PLBD2: variants seen among roughly 807,000 people sequenced by gnomAD.
The protein encoded by PLBD2 is putative aminopeptidase PLBD2.
Under a neutral mutation model 68.3 loss-of-function variants are expected in PLBD2, and 51 were observed. The observed-to-expected ratio is 0.75, with a 90% CI of 0.60 to 0.94. PLBD2 has a LOEUF of 0.94. Among genes scored for constraint, PLBD2 ranks in the 40% least tolerant of loss-of-function variants. The probability of loss-of-function intolerance (pLI) is 0.00; values close to 1 mark genes in which losing one functional copy is unlikely to be tolerated. For synonymous variants in PLBD2, 314 were observed against 339.3 expected (o/e 0.93, Z 0.82); for missense variants, 729 against 792.2 (o/e 0.92, Z 0.96).
Position 113,358,718 on chromosome 12 carries a change from G to A in PLBD2, c.118G>A (p.Gly40Arg). The A allele has an allele frequency of 1.4e-6, 2 of 1,395,082 alleles. No homozygotes were observed. Among genetic ancestry groups the A allele is most frequent in the Non-Finnish European group, 9.2e-7 (1 of 1,081,540 alleles). The allele number at this position is 1,395,082 out of a possible 1,614,324, so 86.4% of individuals were successfully genotyped here. The part of the protein sequence containing the change: ...LVGPFLSGLA[G>R]AIPAPGGRWA... ...CGGGCCGTTCCTGAGCGGCCTGGCG[G>A]GGGCGATCCCAGCGCCGGGGGGCCG... Residue 40 changes from glycine to arginine, a missense_variant, in exon 1 of 12, where the codon GGG (glycine) becomes AGG (arginine). Transcript: ENST00000280800.
Position 113,384,826 on chromosome 12 carries a change from A to C in PLBD2, c.1119-25A>C. The C allele has an allele frequency of 6.2e-7, 1 of 1,602,510 alleles. No individual in the cohort carries two copies. Among genetic ancestry groups the C allele is most frequent in the Non-Finnish European group, 8.5e-7 (1 of 1,169,864 alleles). ...GGGGAGGTGGCTCCAGGCTCTGTTCAGTCCTCCCTTCCCCTGCCCGGCAGG... is the reference window on the plus strand; with the variant it reads ...GGGGAGGTGGCTCCAGGCTCTGTTCCGTCCTCCCTTCCCCTGCCCGGCAGG... On this transcript the variant is annotated intron_variant, in intron 7 of 11. Transcript: ENST00000280800. The surrounding 1 kb of genome is among the most constrained non-coding windows in gnomAD (Gnocchi z 4.2).
intron 5 of PLBD2, among the ~76,000 whole-genome samples, chr12:113,376,526 T>C (rs1033289498): frequency 6.6e-6 from 1 of 152,180 alleles, no homozygotes; most frequent in Admixed American, 6.5e-5. Context: ...GATGGGAGAA[T>C]AGGCTCCACC....
At chr12:113,374,059 C>T (rs1296052995) in intron 3 of PLBD2, among the ~76,000 whole-genome samples, 2 of 152,032 alleles carry the variant, frequency 1.3e-5, no homozygotes, top group Admixed American at 6.6e-5. Flanking sequence ...TACTTTATGG[C>T]TATAGGATGT....
chr12:113,358,981 C>T (rs1957262283), intron 1 of PLBD2, 91 bp downstream of exon 1: 2 of 1,329,922 alleles, frequency 1.5e-6, no homozygotes, highest in Admixed American at 3.6e-5. Flanking sequence ...GGCCTCTTGC[C>T]GGGTGGGAAC....
At chr12:113,379,307 CAAAAAAAAAAA>C (rs759130410) in intron 5 of PLBD2, among the ~76,000 whole-genome samples, 1 of 46,480 alleles carries the variant, frequency 2.2e-5, no homozygotes, top group African/African-American at 7.3e-5. Flanking sequence ...GACTCTGTCT[CAAAAAAAAAAA>C]AAAAAAAAAA....
chr12:113,387,141 G>T, intron 10 of PLBD2, 52 bp downstream of exon 10: 1 of 1,511,904 alleles, frequency 6.6e-7, no homozygotes. Flanking sequence ...CAGGAACACA[G>T]AACTTCCTGT....
At chr12:113,375,319 T>A (rs1248013358) in intron 5 of PLBD2, among the ~76,000 whole-genome samples, 1 of 151,066 alleles carries the variant, frequency 6.6e-6, no homozygotes, top group Non-Finnish European at 1.5e-5. Context: ...CTAATTTGTT[T>A]ATTTTTTTAT....
At chr12:113,366,923 G>A (rs1375719546) in intron 1 of PLBD2, among the ~76,000 whole-genome samples, 2 of 151,962 alleles carry the variant, frequency 1.3e-5, no homozygotes, top group Non-Finnish European at 1.5e-5. Flanking sequence ...CAGTTCAAGC[G>A]ATTCTCCTGC....
Position 113,372,841 on chromosome 12 carries a change from C to A in PLBD2, c.543+34C>A. The A allele has an allele frequency of 6.3e-7, 1 of 1,599,946 alleles. No individual in the cohort carries two copies. The highest frequency in any genetic ancestry group is 8.5e-7 in the Non-Finnish European group (1 of 1,173,678). Reference sequence around the variant, plus strand: ...TGCTGCCACGCTTGGTGGGAGGGGGCTTCCAGCTGGCCAGCCATCCTGTCT... The same window carrying A: ...TGCTGCCACGCTTGGTGGGAGGGGGATTCCAGCTGGCCAGCCATCCTGTCT... On this transcript the variant is annotated intron_variant, in intron 3 of 11. Coordinates refer to ENST00000280800, the MANE Select transcript of PLBD2 (RefSeq NM_173542.4). The surrounding 1 kb of genome is among the most constrained non-coding windows in gnomAD (Gnocchi z 4.2).
At chr12:113,383,876 G>A (rs1957519733) in intron 6 of PLBD2, among the ~76,000 whole-genome samples, 1 of 151,374 alleles carries the variant, frequency 6.6e-6, no homozygotes, top group Non-Finnish European at 1.5e-5. Context: ...GCACGTGCCT[G>A]TAATCCTAGT....
chr12:113,380,210 C>T (rs970369991), intron 5 of PLBD2, among the ~76,000 whole-genome samples: 2 of 152,154 alleles, frequency 1.3e-5, no homozygotes, highest in Admixed American at 6.5e-5. Flanking sequence ...GATCTCGGCT[C>T]GCTGCAAGCT....
intron 6 of PLBD2, among the ~76,000 whole-genome samples, chr12:113,382,867 GTTTTTTTTTT>G (rs67376686): frequency 7.3e-5 from 6 of 81,802 alleles, no homozygotes; most frequent in African/African-American, 2.8e-4. Context: ...GTGTGTGTGT[GTTTTTTTTTT>G]TTTTTTTTTT....
intron 2 of PLBD2, among the ~76,000 whole-genome samples, chr12:113,370,953 G>A (rs1454918261): frequency 2.0e-5 from 3 of 152,222 alleles, no homozygotes; most frequent in Non-Finnish European, 4.4e-5. Context: ...GATGTTGGGA[G>A]GCTGAGGAGG....
chr12:113,380,486 C>T (rs1272196458), intron 5 of PLBD2, among the ~76,000 whole-genome samples: 6 of 152,266 alleles, frequency 3.9e-5, no homozygotes, highest in Middle Eastern at 3.4e-3. Context: ...GGTCCCCAGT[C>T]GATTGAATCC....
At position 113,358,625 on chromosome 12, in the gene PLBD2, C is replaced by T. The variant is rs202030136; in HGVS notation, c.25C>T (p.Pro9Ser). The stretch of plus-strand genomic sequence containing the variant: ...CATGGTGGGCCAGATGTACTGCTAC[C>T]CCGGCAGCCACCTGGCCCGGGCGCT... MVGQMYCY[P>S]GSHLARALTR... Residue 9 changes from proline (P) to serine (S), a missense_variant, in exon 1 of 12, where the codon CCC becomes TCC. Coordinates refer to ENST00000280800, the MANE Select transcript of PLBD2 (RefSeq NM_173542.4). 3.4e-6 allele frequency: 5 copies of T among 1,468,342 alleles called. No individual in the cohort carries two copies. The highest frequency in any genetic ancestry group is 1.5e-5 in the African/African-American group (1 of 67,750). The allele number at this position is 1,468,342 out of a possible 1,614,324, so 91.0% of individuals were successfully genotyped here.
intron 1 of PLBD2, among the ~76,000 whole-genome samples, chr12:113,365,141 C>T (rs958190809): frequency 6.6e-6 from 1 of 152,200 alleles, no homozygotes; most frequent in Non-Finnish European, 1.5e-5. Context: ...AACACTCCCC[C>T]ACAAACCTGA....
In PLBD2 at chr12:113,388,515, G is replaced by GT; in HGVS notation, c.1660dup (p.Trp554LeufsTer75). On this transcript the variant is annotated frameshift_variant, in exon 12 of 12. Coordinates refer to ENST00000280800, the MANE Select transcript of PLBD2 (RefSeq NM_173542.4). LOFTEE classifies it high-confidence loss of function. Reference sequence around the variant, plus strand: ...GCCTGCTGGCGGCCAGCGGTCCCACGTGGGACCAGGTGCCCCCGTTCCAGT... The same window carrying GT: ...GCCTGCTGGCGGCCAGCGGTCCCACGTTGGGACCAGGTGCCCCCGTTCCAGT... 2 of 1,609,474 alleles carry GT rather than the reference G, an allele frequency of 1.2e-6. No homozygotes were observed. The highest frequency in any genetic ancestry group is 1.7e-6 in the Non-Finnish European group (2 of 1,178,922).
chr12:113,359,051 A>C (rs12820985), intron 1 of PLBD2, among the ~76,000 whole-genome samples, 161 bp downstream of exon 1: 15,827 of 152,096 alleles, frequency 0.1, 1,053 homozygotes, highest in East Asian at 0.21. Context: ...CGGGCCAAGT[A>C]CCCTGTTTGG....
At chr12:113,381,963 C>T (rs1487450911) in intron 6 of PLBD2, among the ~76,000 whole-genome samples, 2 of 152,034 alleles carry the variant, frequency 1.3e-5, no homozygotes, top group South Asian at 2.1e-4. Flanking sequence ...GCTGGGACTA[C>T]AGGCACATGC....
Sources: gnomAD v4.1 joint callset for allele counts (sites outside exome capture counted in the v4.1 genomes callset) on GRCh38, gnomAD v4.1.1 for gene constraint, Gnocchi (gnomAD v3.1) non-coding constraint, MANE v1.5 for transcripts, NCBI Gene and HGNC (gene_info 2026-07-23, HGNC 2026-07-21) for gene names.